The following EFHB variants were observed in gnomAD, a reference collection of about 807,000 sequenced individuals.
EFHB encodes EF-hand domain-containing family member B.
A neutral mutation model predicts 87.2 loss-of-function variants in EFHB; 91 were observed. The ratio of observed to expected loss-of-function variants is 1.04; its 90% CI spans 0.88 to 1.24. The LOEUF (loss-of-function observed/expected upper bound fraction) is 1.24. EFHB is among the 50% of genes most tolerant of loss of function. EFHB has a pLI of 0.00. For synonymous variants in EFHB, 325 were observed against 333.6 expected (o/e 0.97, Z 0.28); for missense variants, 1,084 against 998.8 (o/e 1.09, Z -1.15).
chr3:19,896,629 C>G, intron 9 of EFHB, 58 bp downstream of exon 9: 1 of 1,611,990 alleles, frequency 6.2e-7, no homozygotes, highest in South Asian at 1.1e-5. Flanking sequence ...TGATCTACAC[C>G]AAACTGCTGG....
chr3:19,895,943 G>A (rs1373116914), intron 9 of EFHB, among the ~76,000 whole-genome samples: 1 of 152,100 alleles, frequency 6.6e-6, no homozygotes, highest in African/African-American at 2.4e-5. Context: ...ATGAAGCAAG[G>A]CAATTATGTA....
chr3:19,905,733 T>C lies in EFHB; in HGVS notation c.1305A>G (p.Arg435=). Residue 435 remains arginine (R), a synonymous_variant, in exon 6 of 13, where the codon CGA becomes CGG. Coordinates refer to ENST00000295824, the MANE Select transcript of EFHB (RefSeq NM_144715.4). The part of the protein sequence containing the change: ...NDYYAGEAKN[R]KYNPSSFHRC... The stretch of plus-strand genomic sequence containing the variant: ...TATGGAAACTTGATGGGTTATACTT[T>C]CGGTTCTTTGCCTCTCCTGTGGAAA... 6.2e-7 allele frequency: 1 copy of C among 1,609,836 alleles called. No individual in the cohort carries two copies. The highest frequency in any genetic ancestry group is 8.5e-7 in the Non-Finnish European group (1 of 1,177,126).
intron 1 of EFHB, among the ~76,000 whole-genome samples, chr3:19,927,057 A>G (rs188534871): frequency 8.4e-4 from 128 of 152,266 alleles, no homozygotes; most frequent in African/African-American, 2.9e-3. Context: ...CCATAGCCCT[A>G]TGTTATCATG....
At chr3:19,934,423 C>T (rs1204332586), upstream of EFHB, among the ~76,000 whole-genome samples, 2 of 102,666 alleles carry the variant, frequency 1.9e-5, no homozygotes, top group Non-Finnish European at 4.1e-5. Flanking sequence ...TCTCCCTCTC[C>T]TCTCCTTTGC....
rs1559459650 is a variant in EFHB at position 19,908,587 on chromosome 3, AGAGAGAGAGAG to A, written c.1289-2849_1289-2839del. On this transcript the variant is annotated intron_variant, in intron 5 of 12. Transcript: ENST00000295824. ...AAGAGAGAGAGAGAGAGAGAGAGAG[AGAGAGAGAGAG>A]AGAAAGAAAGAAAGAAAGAAAGAAA... 5.4e-3 allele frequency among the ~76,000 whole-genome samples: 670 copies of A among 124,880 alleles called. 3 individuals carry two copies. Among genetic ancestry groups the A allele is most frequent in the African/African-American group, 0.023 (619 of 27,010 alleles). The allele number at this position is 124,880 out of a possible 152,430, so 81.9% of individuals were successfully genotyped here.
At chr3:19,889,375 T>C (rs1694221680) in intron 9 of EFHB, among the ~76,000 whole-genome samples, 2 of 152,176 alleles carry the variant, frequency 1.3e-5, no homozygotes, top group Admixed American at 6.5e-5. Flanking sequence ...CATTCAGAGA[T>C]GATGGCAAAG....
chr3:19,944,404 C>T (rs780051865), intron 1 of EFHB, among the ~76,000 whole-genome samples: 7 of 152,150 alleles, frequency 4.6e-5, no homozygotes, highest in Non-Finnish European at 1.0e-4. Context: ...TTGTACCTTC[C>T]TTAACAAGTT....
chr3:19,915,516 A>C (rs1469139929), intron 4 of EFHB, 103 bp from the exon 5 acceptor site: 3 of 695,990 alleles, frequency 4.3e-6, no homozygotes, highest in Non-Finnish European at 7.2e-6. Context: ...TGCTGGATGC[A>C]AGGCTACATA....
intron 6 of EFHB, among the ~76,000 whole-genome samples, chr3:19,901,488 G>A (rs1309991898): frequency 6.6e-6 from 1 of 152,138 alleles, no homozygotes; most frequent in Non-Finnish European, 1.5e-5. Flanking sequence ...ATAAATTTCT[G>A]GAGAAGAGTG....
At chr3:19,919,624 C>A (rs1695366114) in intron 3 of EFHB, among the ~76,000 whole-genome samples, 1 of 152,124 alleles carries the variant, frequency 6.6e-6, no homozygotes, top group Admixed American at 6.6e-5. Context: ...GTGGCTTAAA[C>A]TATTAATTTC....
intron 11 of EFHB, among the ~76,000 whole-genome samples, chr3:19,883,189 C>G (rs991699340): frequency 6.6e-6 from 1 of 151,822 alleles, no homozygotes; most frequent in Non-Finnish European, 1.5e-5. Flanking sequence ...TTTGCAGAGA[C>G]AGGGTCTCAC....
At chr3:19,922,988 C>T (rs1695488685) in intron 1 of EFHB, among the ~76,000 whole-genome samples, 2 of 152,272 alleles carry the variant, frequency 1.3e-5, no homozygotes, top group African/African-American at 4.8e-5. Flanking sequence ...ATGCCCCAGC[C>T]AGATGCAGTG....
chr3:19,943,419 T>C (rs1468895374), intron 1 of EFHB: 2 of 155,358 alleles, frequency 1.3e-5, no homozygotes, highest in Non-Finnish European at 2.8e-5. Context: ...CAAATGACTT[T>C]GCAGTATGTA....
intron 5 of EFHB, among the ~76,000 whole-genome samples, chr3:19,909,017 G>A (rs1694964987): frequency 6.6e-6 from 1 of 150,998 alleles, no homozygotes; most frequent in South Asian, 2.1e-4. Context: ...CCAGTCCCGT[G>A]TCCCAGACCC....
At chr3:19,944,168 T>C (rs1298595586) in intron 1 of EFHB, among the ~76,000 whole-genome samples, 1 of 152,206 alleles carries the variant, frequency 6.6e-6, no homozygotes, top group African/African-American at 2.4e-5. Flanking sequence ...CTCCAGACAG[T>C]TCCAGTTAAA....
intron 5 of EFHB, among the ~76,000 whole-genome samples, chr3:19,908,602 A>AGAGAGAGAGAGAGAG (rs1559459816): frequency 3.8e-4 from 29 of 77,304 alleles, no homozygotes; most frequent in East Asian, 6.2e-4. Context: ...GAGAGAGAGA[A>AGAGAGAGAGAGAGAG]AGAAAGAAAG....
intron 12 of EFHB, among the ~76,000 whole-genome samples, chr3:19,881,614 T>A (rs1476690872): frequency 6.6e-6 from 1 of 152,180 alleles, no homozygotes; most frequent in Non-Finnish European, 1.5e-5. Context: ...AGTTCCTCCT[T>A]TGGGGCCAGT....
chr3:19,940,575 T>G (rs943051925), intron 1 of EFHB: 3 of 496,872 alleles, frequency 6.0e-6, no homozygotes, highest in African/African-American at 1.9e-5. Flanking sequence ...AATTCTTTGA[T>G]GACACCTGTC....
At position 19,933,518 on chromosome 3, in the gene EFHB, T is replaced by G; in HGVS notation, c.501A>C (p.Pro167=). ...LVGKPAFVME[P]RQEMEKESTC... ...TAGACTCTTTTTCCATTTCCTGTCT[T>G]GGTTCCATAACGAAAGCAGGCTTTC... Residue 167 remains proline, a synonymous_variant, in exon 1 of 13, where the codon CCA becomes CCC. Transcript: ENST00000295824. 6.2e-7 allele frequency: 1 copy of G among 1,614,020 alleles called. No homozygotes were observed. The highest frequency in any genetic ancestry group is 8.5e-7 in the Non-Finnish European group (1 of 1,179,894).
Sources: gnomAD v4.1 joint callset for allele counts (sites outside exome capture counted in the v4.1 genomes callset) on GRCh38, gnomAD v4.1.1 for gene constraint, MANE v1.5 for transcripts, NCBI Gene and HGNC (gene_info 2026-07-23, HGNC 2026-07-21) for gene names.